The following LRRIQ3 variants were observed in gnomAD, a reference collection of about 807,000 sequenced individuals.
LRRIQ3 encodes leucine rich repeats and IQ motif containing 3.
LRRIQ3 carries 75 observed loss-of-function variants against 59.3 expected under a neutral mutation model. The ratio of observed to expected loss-of-function variants is 1.26; its 90% confidence interval spans 1.05 to 1.53. The LOEUF is 1.53. Among genes scored for constraint, LRRIQ3 ranks in the 40% most tolerant of loss-of-function variants. LRRIQ3 has a pLI of 0.00. For synonymous variants in LRRIQ3, 250 were observed against 231.3 expected (o/e 1.08, Z -0.73); for missense variants, 831 against 710.0 (o/e 1.17, Z -1.94).
chr1:74,085,323 C>CAAAAAAAAAA (rs61216155), intron 5 of LRRIQ3, among the ~76,000 whole-genome samples: 1 of 121,614 alleles, frequency 8.2e-6, no homozygotes, highest in Non-Finnish European at 1.8e-5. Context: ...TACATGGTGG[C>CAAAAAAAAAA]AAAAAAAAAA....
chr1:74,098,215 A>G (rs984486735), intron 5 of LRRIQ3, among the ~76,000 whole-genome samples: 1 of 152,192 alleles, frequency 6.6e-6, no homozygotes, highest in Non-Finnish European at 1.5e-5. Flanking sequence ...AGGAAGATTT[A>G]CCAAGCAAAT....
chr1:74,063,608 C>T (rs1293891716), intron 6 of LRRIQ3, among the ~76,000 whole-genome samples: 1 of 151,920 alleles, frequency 6.6e-6, no homozygotes, highest in Admixed American at 6.6e-5. Flanking sequence ...TTATATATTC[C>T]TAAAGTGTTG....
intron 5 of LRRIQ3, among the ~76,000 whole-genome samples, chr1:74,085,505 C>A (rs1029396885): frequency 1.3e-5 from 2 of 151,658 alleles, no homozygotes; most frequent in African/African-American, 4.8e-5. Flanking sequence ...TAAAAGTGAT[C>A]TTTACTAAAA....
intron 1 of LRRIQ3, among the ~76,000 whole-genome samples, chr1:74,185,154 T>A (rs1483941988): frequency 6.6e-6 from 1 of 152,212 alleles, no homozygotes; most frequent in East Asian, 1.9e-4. Context: ...GTTTTCAACT[T>A]ACTTGGATAA....
intron 7 of LRRIQ3, among the ~76,000 whole-genome samples, chr1:74,032,557 T>C (rs890433308): frequency 3.9e-5 from 6 of 152,126 alleles, no homozygotes; most frequent in African/African-American, 9.7e-5. Context: ...GTCAGCAATA[T>C]CATGTAAAAC....
At chr1:74,052,048 C>T (rs1654386957) in intron 6 of LRRIQ3, among the ~76,000 whole-genome samples, 1 of 152,140 alleles carries the variant, frequency 6.6e-6, no homozygotes, top group Non-Finnish European at 1.5e-5. Context: ...TTTTCCCAAG[C>T]TTACCATTTC....
In LRRIQ3 at chr1:74,194,786, T is replaced by A. The variant is rs563048527; in HGVS notation, c.-1+3210A>T. ...CAAAACATTCCTTGGTTAGCTTTCA[T>A]AGAACAGATTTTGGATCTCCTAAAA... On this transcript the variant is annotated intron_variant, in intron 1 of 7. Transcript: ENST00000354431. Among the ~76,000 whole-genome samples the A allele has an allele frequency of 9.4e-4, 143 of 152,342 alleles. 1 individual carries two copies. The highest frequency in any genetic ancestry group is 3.1e-3 in the African/African-American group (131 of 41,590).
At chr1:74,134,027 A>G (rs1647075730) in intron 4 of LRRIQ3, among the ~76,000 whole-genome samples, 1 of 151,858 alleles carries the variant, frequency 6.6e-6, no homozygotes, top group Non-Finnish European at 1.5e-5. Flanking sequence ...GTATTTTTTG[A>G]TTCCCAGGAA....
chr1:74,166,410 A>G (rs1476247753), intron 3 of LRRIQ3, among the ~76,000 whole-genome samples: 1 of 151,718 alleles, frequency 6.6e-6, no homozygotes, highest in African/African-American at 2.4e-5. Flanking sequence ...GGTTTCATGC[A>G]TGATGTTGAT....
chr1:74,194,877 C>A lies in LRRIQ3; in HGVS notation c.-1+3119G>T, dbSNP rs530335468. ...GTATTACATTAATTAAAATTTAATTCTTGACTCTACTAATTTATATTCTTC... is the reference window on the plus strand; with the variant it reads ...GTATTACATTAATTAAAATTTAATTATTGACTCTACTAATTTATATTCTTC... On this transcript the variant is annotated intron_variant, in intron 1 of 7. Coordinates refer to ENST00000354431, the MANE Select transcript of LRRIQ3 (RefSeq NM_001105659.2). Among the ~76,000 whole-genome samples the A allele has an allele frequency of 5.3e-5, 8 of 152,170 alleles. No individual in the cohort carries two copies. The South Asian group carries it at 1.7e-3, about 32-fold the overall frequency.
intron 5 of LRRIQ3, among the ~76,000 whole-genome samples, chr1:74,080,798 A>G (rs1190808372): frequency 6.6e-6 from 1 of 151,636 alleles, no homozygotes; most frequent in East Asian, 1.9e-4. Context: ...TCTCATTAAC[A>G]TAGTATGCAA....
intron 4 of LRRIQ3, among the ~76,000 whole-genome samples, chr1:74,135,997 A>G (rs951354901): frequency 6.6e-6 from 1 of 151,898 alleles, no homozygotes; most frequent in African/African-American, 2.4e-5. Flanking sequence ...ACCTCTAGGT[A>G]AGCTAAGTAA....
intron 4 of LRRIQ3, among the ~76,000 whole-genome samples, chr1:74,132,392 A>G (rs2100613885): frequency 6.6e-6 from 1 of 152,282 alleles, no homozygotes; most frequent in East Asian, 1.9e-4. Context: ...ACCAAAAATG[A>G]GCCCGCATTG....
intron 4 of LRRIQ3, among the ~76,000 whole-genome samples, chr1:74,139,145 T>G (rs1239146096): frequency 1.3e-5 from 2 of 151,108 alleles, no homozygotes; most frequent in African/African-American, 2.4e-5. Context: ...TATATACATG[T>G]GTGTGTGTAT....
chr1:74,077,669 T>G (rs1374536570), intron 5 of LRRIQ3, among the ~76,000 whole-genome samples: 1 of 151,994 alleles, frequency 6.6e-6, no homozygotes, highest in Non-Finnish European at 1.5e-5. Context: ...TCCTTCCATG[T>G]TTTTAGAAAA....
chr1:74,099,613 T>G (rs1646501994), intron 5 of LRRIQ3, among the ~76,000 whole-genome samples: 1 of 152,080 alleles, frequency 6.6e-6, no homozygotes, highest in African/African-American at 2.4e-5. Context: ...AAAAAGAGAA[T>G]TTTAGACCAA....
At chr1:74,098,733 A>C (rs60544175) in intron 5 of LRRIQ3, among the ~76,000 whole-genome samples, 2,403 of 152,308 alleles carry the variant, frequency 0.016, 71 homozygotes, top group African/African-American at 0.055. Context: ...TCAAACTGGA[A>C]CTCAGCATTC....
chr1:74,102,707 G>A (rs1401759564), intron 5 of LRRIQ3, among the ~76,000 whole-genome samples: 1 of 151,888 alleles, frequency 6.6e-6, no homozygotes, highest in Non-Finnish European at 1.5e-5. Context: ...TTCCTAGGAT[G>A]CATTGTGTCA....
intron 4 of LRRIQ3, among the ~76,000 whole-genome samples, chr1:74,146,244 A>G (rs1647561920): frequency 6.6e-6 from 1 of 152,160 alleles, no homozygotes; most frequent in Admixed American, 6.5e-5. Flanking sequence ...GCATGACTGT[A>G]TTTCAGCAAA....
Sources: gnomAD v4.1 joint callset for allele counts (sites outside exome capture counted in the v4.1 genomes callset) on GRCh38, gnomAD v4.1.1 for gene constraint, MANE v1.5 for transcripts, NCBI Gene and HGNC (gene_info 2026-07-23, HGNC 2026-07-21) for gene names.